Variants in CSMD1 observed in about 807,000 individuals in gnomAD.
CSMD1 encodes CUB and sushi domain-containing protein 1.
CSMD1 carries 213 observed loss-of-function variants against 417.5 expected under a neutral mutation model. The ratio of observed to expected loss-of-function variants is 0.51; its 90% CI spans 0.46 to 0.57. The LOEUF (loss-of-function observed/expected upper bound fraction) is 0.57, where lower values mean the gene tolerates loss of function less well. Among genes scored for constraint, CSMD1 ranks in the 20% least tolerant of loss-of-function variants. The pLI is 0.00. For missense variants in CSMD1, 6,923 were observed against 4,529.7 expected (o/e 1.53, Z -15.17); for synonymous variants, 2,862 against 1,736.8 (o/e 1.65, Z -16.11).
At chr8:4,406,720 A>C (rs1399738085) in intron 3 of CSMD1, among the ~76,000 whole-genome samples, 3 of 152,238 alleles carry the variant, frequency 2.0e-5, no homozygotes, top group African/African-American at 7.2e-5. Flanking sequence ...TGTGATGTCC[A>C]AATGATACCA....
Position 3,544,417 on chromosome 8 carries a change from T to C in CSMD1, c.1344+30528A>G, listed in dbSNP as rs187266957. Among the ~76,000 whole-genome samples the C allele has an allele frequency of 3.9e-5, 6 of 152,298 alleles. No homozygotes were observed. The East Asian group carries it at 1.2e-3, about 30-fold the overall frequency. ...CCTATATACGAACAAGCATTTTACC[T>C]GGGATGGAGGCGTTCTTTCTCTTAC... On this transcript the variant is annotated intron_variant, in intron 10 of 69. Transcript: ENST00000635120.
At chr8:4,427,492 CACA>C (rs1563162260) in intron 2 of CSMD1, among the ~76,000 whole-genome samples, 1 of 7,232 alleles carries the variant, frequency 1.4e-4, no homozygotes, top group Non-Finnish European at 4.0e-4. Flanking sequence ...ATCAAATACA[CACA>C]CACACACACA....
intron 5 of CSMD1, among the ~76,000 whole-genome samples, chr8:3,800,490 G>C (rs903145585): frequency 6.6e-6 from 1 of 152,116 alleles, no homozygotes; most frequent in Non-Finnish European, 1.5e-5. Context: ...AAATGCATTT[G>C]GATCCCTACC....
chr8:4,122,926 C>T (rs910794998), intron 3 of CSMD1, among the ~76,000 whole-genome samples: 1 of 152,184 alleles, frequency 6.6e-6, no homozygotes, highest in Non-Finnish European at 1.5e-5. Context: ...CACAAATCCA[C>T]GTTAAATTCT....
chr8:4,148,131 G>T (rs755291794), intron 3 of CSMD1, among the ~76,000 whole-genome samples: 1 of 152,104 alleles, frequency 6.6e-6, no homozygotes, highest in Non-Finnish European at 1.5e-5. Flanking sequence ...GACATGCTCT[G>T]GGTGAAGCTC....
chr8:3,430,757 C>A (rs1016895753), intron 12 of CSMD1, among the ~76,000 whole-genome samples: 1 of 152,026 alleles, frequency 6.6e-6, no homozygotes. Context: ...CAGTGAGCAG[C>A]GATCATGGCC....
chr8:4,967,945 A>AT (rs903699831), intron 1 of CSMD1, among the ~76,000 whole-genome samples: 152 of 151,678 alleles, frequency 1.0e-3, no homozygotes, highest in African/African-American at 1.9e-3. Context: ...AAAATGATGT[A>AT]TTTTTTTTTC....
rs1563224865 is a variant in CSMD1 at position 4,724,557 on chromosome 8, TGTGTG to T, written c.86-87004_86-87000del. On this transcript the variant is annotated intron_variant, in intron 1 of 69. Transcript: ENST00000635120. ...GTGTGTGTGTGTGTGTGTGTGTGTG[TGTGTG>T]TTTATACTCCCAGTGAAATTCTGTT... is the stretch of plus-strand genomic sequence containing the variant. Among the ~76,000 whole-genome samples, 254 of 151,508 alleles carry T rather than the reference TGTGTG, an allele frequency of 1.7e-3. 1 individual carries two copies. Among genetic ancestry groups the T allele is most frequent in the African/African-American group, 5.9e-3 (241 of 41,106 alleles).
At chr8:2,979,765 C>T (rs1275118745) in intron 54 of CSMD1, among the ~76,000 whole-genome samples, 1 of 152,190 alleles carries the variant, frequency 6.6e-6, no homozygotes, top group Admixed American at 6.5e-5. Flanking sequence ...GAATAATGTT[C>T]TATGCTTCCT....
chr8:3,053,516 T>G (rs1214933004), intron 49 of CSMD1, among the ~76,000 whole-genome samples: 1 of 152,058 alleles, frequency 6.6e-6, no homozygotes, highest in Non-Finnish European at 1.5e-5. Context: ...CATAAGGAAT[T>G]GATAGAGGAG....
chr8:3,030,624 A>G (rs1340528405), intron 50 of CSMD1, among the ~76,000 whole-genome samples: 1 of 151,936 alleles, frequency 6.6e-6, no homozygotes, highest in Non-Finnish European at 1.5e-5. Flanking sequence ...CTATGGGGAT[A>G]CAGATGTCCA....
chr8:4,047,296 G>C (rs142349611), intron 3 of CSMD1, among the ~76,000 whole-genome samples: 5 of 152,118 alleles, frequency 3.3e-5, no homozygotes, highest in African/African-American at 7.2e-5. Flanking sequence ...AGGAAGGAGA[G>C]AGACATAAAG....
intron 5 of CSMD1, among the ~76,000 whole-genome samples, chr8:3,928,486 T>G (rs1420216352): frequency 2.0e-5 from 3 of 151,278 alleles, no homozygotes; most frequent in Non-Finnish European, 4.4e-5. Flanking sequence ...AAAAATGCAG[T>G]TAAGTGGAAC....
intron 23 of CSMD1, among the ~76,000 whole-genome samples, chr8:3,342,181 A>G (rs1276013049): frequency 1.3e-5 from 2 of 152,122 alleles, no homozygotes; most frequent in Non-Finnish European, 2.9e-5. Context: ...AGCCACACTT[A>G]TTCTATTTTT....
chr8:4,969,607 C>G (rs1173050243), intron 1 of CSMD1, among the ~76,000 whole-genome samples: 1 of 151,812 alleles, frequency 6.6e-6, no homozygotes, highest in East Asian at 1.9e-4. Flanking sequence ...AGGTTTTATT[C>G]AAATACACAT....
At position 3,557,929 on chromosome 8, in the gene CSMD1, T is replaced by C. The variant is rs144970349; in HGVS notation, c.1344+17016A>G. On this transcript the variant is annotated intron_variant, in intron 10 of 69. Transcript: ENST00000635120. ...CGGTCAACTCCCTAAATAAATAGTT[T>C]GTTGGTTTGCAAAAACATTGTGGAA... 1.4e-3 allele frequency among the ~76,000 whole-genome samples: 214 copies of C among 152,262 alleles called. 2 individuals are homozygous for C. Among genetic ancestry groups the C allele is most frequent in the African/African-American group, 5.1e-3 (211 of 41,532 alleles).
intron 12 of CSMD1, among the ~76,000 whole-genome samples, chr8:3,461,208 T>G (rs572877149): frequency 2.0e-5 from 3 of 152,214 alleles, no homozygotes; most frequent in Non-Finnish European, 4.4e-5. Context: ...GGCCTTAATT[T>G]AGAATAAAGA....
At chr8:3,780,785 A>G (rs1156780402) in intron 5 of CSMD1, among the ~76,000 whole-genome samples, 2 of 152,218 alleles carry the variant, frequency 1.3e-5, no homozygotes, top group Admixed American at 1.3e-4. Context: ...TTCATCTAAA[A>G]GAAAGTAATT....
chr8:4,908,302 T>C (rs1805433999), intron 1 of CSMD1, among the ~76,000 whole-genome samples: 1 of 152,228 alleles, frequency 6.6e-6, no homozygotes. Context: ...TCTCTGGTTT[T>C]GTGCAGTATG....
Sources: gnomAD v4.1 joint callset for allele counts (sites outside exome capture counted in the v4.1 genomes callset) on GRCh38, gnomAD v4.1.1 for gene constraint, MANE v1.5 for transcripts, NCBI Gene and HGNC (gene_info 2026-07-23, HGNC 2026-07-21) for gene names.